The following SLC2A13 variants were observed in gnomAD, a reference collection of about 807,000 sequenced individuals.
SLC2A13 encodes solute carrier family 2 member 13.
SLC2A13 carries 32 observed loss-of-function variants against 64.4 expected under a neutral mutation model. The ratio of observed to expected loss-of-function variants is 0.50; its 90% confidence interval spans 0.37 to 0.67. The LOEUF is 0.67. Among genes scored for constraint, SLC2A13 ranks in the 30% least tolerant of loss-of-function variants. SLC2A13 has a pLI of 0.00. For synonymous variants in SLC2A13, 338 were observed against 327.1 expected (o/e 1.03, Z -0.36); for missense variants, 743 against 829.2 (o/e 0.90, Z 1.28).
chr12:39,947,666 T>TC (rs1378122810), intron 4 of SLC2A13, among the ~76,000 whole-genome samples: 11 of 148,220 alleles, frequency 7.4e-5, no homozygotes, highest in Non-Finnish European at 1.5e-4. Flanking sequence ...TTCTTTTTTT[T>TC]TTTTTTTTTT....
At chr12:40,007,434 A>G (rs901451619) in intron 3 of SLC2A13, among the ~76,000 whole-genome samples, 1 of 152,208 alleles carries the variant, frequency 6.6e-6, no homozygotes, top group Admixed American at 6.5e-5. Flanking sequence ...AAAGCCACAC[A>G]AAATTAATTG....
chr12:40,097,859 A>G (rs910827194), intron 1 of SLC2A13, among the ~76,000 whole-genome samples: 2 of 152,134 alleles, frequency 1.3e-5, no homozygotes, highest in African/African-American at 2.4e-5. Context: ...TGGTCCAGCA[A>G]TCTCAATTCT....
intron 1 of SLC2A13, among the ~76,000 whole-genome samples, chr12:40,063,131 G>A (rs1016728928): frequency 7.9e-5 from 12 of 151,602 alleles, no homozygotes; most frequent in African/African-American, 2.9e-4. Context: ...ATATAGATAC[G>A]CCCTCATTAA....
At chr12:39,839,093 C>G (rs1031048352) in intron 6 of SLC2A13, among the ~76,000 whole-genome samples, 1 of 152,084 alleles carries the variant, frequency 6.6e-6, no homozygotes, top group Non-Finnish European at 1.5e-5. Flanking sequence ...TTTCCCCTAA[C>G]AGCTATTCCC....
In SLC2A13 at chr12:39,796,817, C is replaced by A. The variant is rs74344146; in HGVS notation, c.1446-31959G>T. 5.8e-4 allele frequency among the ~76,000 whole-genome samples: 88 copies of A among 152,236 alleles called. No individual in the cohort carries two copies. In the East Asian group the frequency reaches 9.4e-3, roughly 16 times the overall value. On this transcript the variant is annotated intron_variant, in intron 7 of 9. Coordinates refer to ENST00000280871, the MANE Select transcript of SLC2A13 (RefSeq NM_052885.4). ...CATTCTCCTGCTAGATGGTTTTGTACTATTTTTAATAATGATAATGCTGCC... is the reference window on the plus strand; with the variant it reads ...CATTCTCCTGCTAGATGGTTTTGTAATATTTTTAATAATGATAATGCTGCC...
intron 3 of SLC2A13, among the ~76,000 whole-genome samples, chr12:39,974,775 T>C (rs1182664987): frequency 6.6e-6 from 1 of 152,240 alleles, no homozygotes; most frequent in Non-Finnish European, 1.5e-5. Context: ...TGAGAAGTTT[T>C]ACACTGTGAA....
chr12:39,860,160 G>A (rs1943718350), intron 6 of SLC2A13, among the ~76,000 whole-genome samples: 1 of 152,214 alleles, frequency 6.6e-6, no homozygotes, highest in African/African-American at 2.4e-5. Context: ...AGAATAGGTG[G>A]TTAGTCTGTG....
rs1020789410 is a variant in SLC2A13 at position 39,922,865 on chromosome 12, C to T, written c.1034+28392G>A. On this transcript the variant is annotated intron_variant, in intron 4 of 9. Coordinates refer to ENST00000280871, the MANE Select transcript of SLC2A13 (RefSeq NM_052885.4). ...AAAACACAAAGGGTCAAGCCTATTGCATTTTACATTGCCAAACTTTTTTCT... is the reference window on the plus strand; with the variant it reads ...AAAACACAAAGGGTCAAGCCTATTGTATTTTACATTGCCAAACTTTTTTCT... 2.0e-5 allele frequency among the ~76,000 whole-genome samples: 3 copies of T among 152,156 alleles called. No individual in the cohort carries two copies. In the South Asian group the frequency reaches 6.2e-4, roughly 32 times the overall value.
intron 3 of SLC2A13, among the ~76,000 whole-genome samples, chr12:39,995,696 A>G (rs1947215791): frequency 6.6e-6 from 1 of 152,294 alleles, no homozygotes; most frequent in African/African-American, 2.4e-5. Context: ...CCCAAATCTC[A>G]TCTTGAATTC....
intron 4 of SLC2A13, among the ~76,000 whole-genome samples, chr12:39,901,844 A>AT (rs1406971311): frequency 6.7e-6 from 1 of 148,976 alleles, no homozygotes; most frequent in Non-Finnish European, 1.5e-5. Flanking sequence ...ATTACTGGGT[A>AT]TATACCCAAA....
At chr12:39,838,145 GGA>G (rs1429208969) in intron 6 of SLC2A13, among the ~76,000 whole-genome samples, 1 of 147,418 alleles carries the variant, frequency 6.8e-6, no homozygotes, top group Non-Finnish European at 1.5e-5. Flanking sequence ...TATACACCAT[GGA>G]ATACTACGCA....
chr12:40,051,545 T>C (rs1948254944), intron 1 of SLC2A13, among the ~76,000 whole-genome samples: 1 of 151,942 alleles, frequency 6.6e-6, no homozygotes, highest in Non-Finnish European at 1.5e-5. Flanking sequence ...AAAGGGGAAG[T>C]GTGAGGAACA....
At position 39,871,847 on chromosome 12, in the gene SLC2A13, C is replaced by A; in HGVS notation, c.1149G>T (p.Trp383Cys). The change falls in exon 5 of 10, where the codon TGG becomes TGT. Residue 383 changes from tryptophan (W) to cysteine (C), a missense_variant. By Grantham distance (215) the Trp-to-Cys change is radical. Around this residue, in one of 2 missense-constraint regions of SLC2A13, gnomAD observed 295 missense variants for 381.7 expected, o/e 0.77. Coordinates refer to ENST00000280871, the MANE Select transcript of SLC2A13 (RefSeq NM_052885.4). The stretch of plus-strand genomic sequence containing the variant: ...TTCTGCGGCCCACCTTCTCAACAAG[C>A]CAGACTCCCACAAGTGTGAAAATGA... ...TNFIFTLVGVWLVEKVGRRKL... is the reference protein window; with the variant it reads ...TNFIFTLVGVCLVEKVGRRKL... The A allele has an allele frequency of 6.2e-7, 1 of 1,612,600 alleles. No individual in the cohort carries two copies. Among genetic ancestry groups the A allele is most frequent in the Non-Finnish European group, 8.5e-7 (1 of 1,179,352 alleles).
intron 6 of SLC2A13, among the ~76,000 whole-genome samples, chr12:39,856,333 A>T (rs1477628584): frequency 6.6e-6 from 1 of 152,102 alleles, no homozygotes; most frequent in Non-Finnish European, 1.5e-5. Context: ...TTCACTGAAG[A>T]GGTTCTTTTA....
intron 3 of SLC2A13, among the ~76,000 whole-genome samples, chr12:39,999,543 G>A (rs763549652): frequency 2.8e-4 from 43 of 152,066 alleles, no homozygotes; most frequent in Non-Finnish European, 4.6e-4. Context: ...TAATTAGGGT[G>A]GGAAAAAAAC....
intron 1 of SLC2A13, among the ~76,000 whole-genome samples, chr12:40,084,033 T>C (rs990267415): frequency 6.6e-6 from 1 of 152,196 alleles, no homozygotes; most frequent in African/African-American, 2.4e-5. Context: ...AAGTATAGAT[T>C]TGGGAGGCAG....
At chr12:39,829,393 T>TTTTTG (rs1942788781) in intron 7 of SLC2A13, 1 of 41,256 alleles carries the variant, frequency 2.4e-5, no homozygotes, top group Non-Finnish European at 5.9e-5. Flanking sequence ...ATAGTAATTC[T>TTTTTG]TTTTTTTTTT....
intron 1 of SLC2A13, among the ~76,000 whole-genome samples, chr12:40,056,313 G>A (rs1197904440): frequency 6.6e-6 from 1 of 151,970 alleles, no homozygotes; most frequent in African/African-American, 2.4e-5. Context: ...GGATGAGAAA[G>A]GCCAGGGAAA....
Position 39,830,902 on chromosome 12 carries a change from T to C in SLC2A13, c.1320-674A>G, listed in dbSNP as rs574130087. 3.6e-4 allele frequency among the ~76,000 whole-genome samples: 55 copies of C among 152,308 alleles called. No homozygotes were observed. In the South Asian group the frequency reaches 5.8e-3, roughly 16 times the overall value. ...ACCATCCCCTAATCACATCTGCTAA[T>C]TGGATCACAAAGTCATAATCAGTTA... On this transcript the variant is annotated intron_variant, in intron 6 of 9. Transcript: ENST00000280871.
Sources: gnomAD v4.1 joint callset for allele counts (sites outside exome capture counted in the v4.1 genomes callset) on GRCh38, gnomAD v4.1.1 for gene constraint, gnomAD v4.1.1 regional missense constraint, MANE v1.5 for transcripts, NCBI Gene and HGNC (gene_info 2026-07-23, HGNC 2026-07-21) for gene names.